Variants in ALDH1L2 observed in about 807,000 individuals in gnomAD.
ALDH1L2 encodes mitochondrial 10-formyltetrahydrofolate dehydrogenase.
A neutral mutation model predicts 111.0 loss-of-function variants in ALDH1L2; 91 were observed. The observed-to-expected ratio is 0.82, with a 90% CI of 0.69 to 0.98. The LOEUF (loss-of-function observed/expected upper bound fraction) is 0.98, where lower values mean the gene tolerates loss of function less well. Among genes scored for constraint, ALDH1L2 ranks in the 50% least tolerant of loss-of-function variants. The pLI, the probability that ALDH1L2 is intolerant of heterozygous loss-of-function variation, is 0.00. For missense variants in ALDH1L2, 995 were observed against 1,126.8 expected (o/e 0.88, Z 1.67); for synonymous variants, 374 against 392.6 (o/e 0.95, Z 0.56).
At chr12:105,047,892 T>C (rs1337992955) in intron 13 of ALDH1L2, 1 of 152,194 alleles carries the variant, frequency 6.6e-6, no homozygotes, top group Admixed American at 6.5e-5. Flanking sequence ...TAATCAAACA[T>C]GCTAGTATTT....
chr12:105,038,297 C>A (rs188231679), intron 17 of ALDH1L2, 95 bp from the exon 18 acceptor site: 28,051 of 595,826 alleles, frequency 0.047, 718 homozygotes, highest in African/African-American at 0.11. Context: ...CACACACACA[C>A]ACACACACAC....
chr12:105,058,360 C>G, intron 9 of ALDH1L2, 140 bp from the exon 10 acceptor site: 4 of 785,960 alleles, frequency 5.1e-6, no homozygotes, highest in Non-Finnish European at 7.3e-6. Context: ...TTCTGTGATA[C>G]TCATCAGAGA....
At chr12:105,047,131 TTG>T (rs1243111364) in intron 13 of ALDH1L2, among the ~76,000 whole-genome samples, 162 bp from the exon 14 acceptor site, 1 of 152,214 alleles carries the variant, frequency 6.6e-6, no homozygotes, top group Admixed American at 6.5e-5. Flanking sequence ...GAACAGCTAT[TTG>T]TTTCTCAAGA....
intron 7 of ALDH1L2, 149 bp from the exon 8 acceptor site, chr12:105,061,901 A>C (rs1877028757): frequency 2.1e-6 from 2 of 951,826 alleles, no homozygotes; most frequent in Non-Finnish European, 1.5e-6. Flanking sequence ...ATTATGTGTA[A>C]AAGGGCTGAA....
intron 21 of ALDH1L2, among the ~76,000 whole-genome samples, chr12:105,027,533 T>C (rs1436955956): frequency 6.6e-6 from 1 of 152,246 alleles, no homozygotes; most frequent in Admixed American, 6.5e-5. Flanking sequence ...GCAGCCAGAC[T>C]GCCTGGTGAC....
At position 105,084,393 on chromosome 12, in the gene ALDH1L2, C is replaced by T; in HGVS notation, c.44G>A (p.Gly15Asp). The change falls in exon 1 of 23, where the codon GGC becomes GAC. Residue 15 changes from glycine to aspartate, a missense_variant. Gly to Asp is a moderately conservative substitution (Grantham distance 94). Coordinates refer to ENST00000258494, the MANE Select transcript of ALDH1L2 (RefSeq NM_001034173.4). Reference protein sequence around the residue: ...GSQALRRFSTGRVYFKNKLKL... With the variant: ...GSQALRRFSTDRVYFKNKLKL... ...GCTCGCCCGGGCCGGACTCACCCGG[C>T]CAGTGGAGAAGCGCCGGAGCGCCTG... The T allele has an allele frequency of 6.7e-7, 1 of 1,502,616 alleles. No homozygotes were observed. The allele number at this position is 1,502,616 out of a possible 1,614,324, so 93.1% of individuals were successfully genotyped here.
intron 16 of ALDH1L2, 79 bp from the exon 17 acceptor site, chr12:105,039,885 C>A (rs1875419463): frequency 3.2e-6 from 4 of 1,248,398 alleles, no homozygotes; most frequent in Non-Finnish European, 3.5e-6. Flanking sequence ...AATCCCCGCA[C>A]TTTGGGAGGC....
At position 105,051,945 on chromosome 12, in the gene ALDH1L2, C is replaced by A. The variant is rs531516332; in HGVS notation, c.1535+145G>T. The A allele has an allele frequency of 3.5e-4, 237 of 668,820 alleles. 1 individual carries two copies. Among genetic ancestry groups the A allele is most frequent in the Admixed American group, 1.3e-3 (34 of 25,308 alleles). The allele number at this position is 668,820 out of a possible 1,614,324, so 41.4% of individuals were successfully genotyped here. On this transcript the variant is annotated intron_variant, in intron 12 of 22. Coordinates refer to ENST00000258494, the MANE Select transcript of ALDH1L2 (RefSeq NM_001034173.4). ...GACTACAGGCACGTGCCACCACTCA[C>A]GCCTGTAATCCCAGCACTTTGGGAG...
intron 1 of ALDH1L2, among the ~76,000 whole-genome samples, chr12:105,083,282 G>C (rs568588379): frequency 6.6e-6 from 1 of 152,146 alleles, no homozygotes; most frequent in African/African-American, 2.4e-5. Context: ...GCTAATGAGG[G>C]GTCCAGGAGA....
intron 17 of ALDH1L2, 137 bp downstream of exon 17, chr12:105,039,576 C>T (rs1565953895): frequency 6.4e-6 from 4 of 626,506 alleles, no homozygotes; most frequent in South Asian, 4.0e-5. Flanking sequence ...TCAAATATTT[C>T]AATACTCAGC....
At chr12:105,026,201 G>A (rs1260452348) in intron 22 of ALDH1L2, among the ~76,000 whole-genome samples, 2 of 152,096 alleles carry the variant, frequency 1.3e-5, no homozygotes, top group African/African-American at 4.8e-5. Flanking sequence ...GCCTCTCTTG[G>A]TTCCATTTAG....
chr12:105,030,229 T>TA (rs898782850), intron 21 of ALDH1L2, 95 bp downstream of exon 21: 23 of 702,514 alleles, frequency 3.3e-5, no homozygotes, highest in Non-Finnish European at 3.7e-5. Context: ...AATTACATGT[T>TA]CATTAATCTT....
chr12:105,076,001 G>T (rs534719524), intron 1 of ALDH1L2, among the ~76,000 whole-genome samples: 2 of 152,276 alleles, frequency 1.3e-5, no homozygotes, highest in African/African-American at 4.8e-5. Context: ...GGCCAGGCTG[G>T]TCTCAAACTC....
intron 10 of ALDH1L2, among the ~76,000 whole-genome samples, chr12:105,054,150 G>T (rs1012689628): frequency 3.3e-5 from 5 of 152,144 alleles, no homozygotes; most frequent in African/African-American, 1.2e-4. Context: ...CTCGCCCAAG[G>T]TCACACAGCT....
intron 10 of ALDH1L2, among the ~76,000 whole-genome samples, chr12:105,053,274 A>G (rs755959147): frequency 1.6e-4 from 24 of 152,268 alleles, no homozygotes; most frequent in Middle Eastern, 3.2e-3. Context: ...TGTTGCCTTC[A>G]TTGAAATCAT....
At chr12:105,078,655 A>C (rs1438891043) in intron 1 of ALDH1L2, among the ~76,000 whole-genome samples, 2 of 152,142 alleles carry the variant, frequency 1.3e-5, no homozygotes. Context: ...CTTACACTAA[A>C]GATAAAAAGA....
intron 20 of ALDH1L2, among the ~76,000 whole-genome samples, chr12:105,031,288 A>G (rs1448211972): frequency 6.6e-6 from 1 of 152,118 alleles, no homozygotes; most frequent in East Asian, 1.9e-4. Flanking sequence ...CTCTATACCC[A>G]CTAAAAAATA....
intron 12 of ALDH1L2, among the ~76,000 whole-genome samples, chr12:105,051,484 T>TGAA (rs35313144): frequency 0.16 from 24,870 of 152,082 alleles, 2,986 homozygotes; most frequent in African/African-American, 0.32. Flanking sequence ...CTTCAGACCT[T>TGAA]GACATAGCAG....
rs372028728 is a variant in ALDH1L2 at position 105,031,742 on chromosome 12, G to A, written c.2410+27C>T. 270 of 1,605,614 alleles carry A rather than the reference G, an allele frequency of 1.7e-4. 1 individual carries two copies. Among genetic ancestry groups the A allele is most frequent in the Non-Finnish European group, 1.0e-4 (123 of 1,175,686 alleles). On this transcript the variant is annotated intron_variant, in intron 20 of 22. Coordinates refer to ENST00000258494, the MANE Select transcript of ALDH1L2 (RefSeq NM_001034173.4). The stretch of plus-strand genomic sequence containing the variant: ...TTCCAACTGAAGAAGGCGGGCACCC[G>A]GTAAACCCCCACAGAGGTGATCTTA...
Sources: allele counts gnomAD v4.1 joint callset (sites outside exome capture counted in the v4.1 genomes callset), GRCh38; gene constraint gnomAD v4.1.1; transcripts MANE v1.5; gene names NCBI Gene and HGNC (gene_info 2026-07-23, HGNC 2026-07-21).